The following C2orf80 variants were observed in gnomAD, a reference collection of about 807,000 sequenced individuals.
C2orf80 encodes the protein uncharacterized protein C2orf80.
Under a neutral mutation model 30.2 loss-of-function variants are expected in C2orf80, and 28 were observed. That is an observed-to-expected ratio of 0.93 (90% CI 0.69 to 1.27). The LOEUF (loss-of-function observed/expected upper bound fraction) is 1.27, where lower values mean the gene tolerates loss of function less well. Ranked by LOEUF, C2orf80 falls within the 50% of genes most tolerant of loss-of-function variation. The probability of loss-of-function intolerance (pLI) is 0.00; values close to 1 mark genes in which losing one functional copy is unlikely to be tolerated. For synonymous variants in C2orf80, 80 were observed against 76.4 expected, an observed-to-expected ratio of 1.05 and a Z score of -0.24; for missense variants, 220 against 231.0, an observed-to-expected ratio of 0.95 and a Z score of 0.31.
At chr2:208,180,953 C>T in intron 5 of C2orf80, 137 bp from the exon 6 acceptor site, 2 of 723,402 alleles carry the variant, frequency 2.8e-6, no homozygotes, top group Non-Finnish European at 4.6e-6. Context: ...TAAATAACTT[C>T]TGATCAATGG....
chr2:208,176,989 A>ACATC lies in C2orf80; in HGVS notation c.366+3755_366+3756insGATG, dbSNP rs1559340729. Among the ~76,000 whole-genome samples, 8 of 73,564 alleles carry ACATC rather than the reference A, an allele frequency of 1.1e-4. 1 individual carries two copies. The highest frequency in any genetic ancestry group is 2.0e-4 in the Non-Finnish European group (7 of 34,836). The allele number at this position is 73,564 out of a possible 152,430, so 48.3% of individuals were successfully genotyped here. On this transcript the variant is annotated intron_variant, in intron 6 of 8. Transcript: ENST00000341287. ...TGTATACATATATACAGAAATGTATATGTATACATATATACATATATACAG... is the reference window on the plus strand; with the variant it reads ...TGTATACATATATACAGAAATGTATACATCTGTATACATATATACATATATACAG...
At chr2:208,189,203 T>C (rs1696807075) in intron 1 of C2orf80, among the ~76,000 whole-genome samples, 1 of 152,236 alleles carries the variant, frequency 6.6e-6, no homozygotes, top group Admixed American at 6.5e-5. Context: ...ACAGTTAGCA[T>C]GTGCTTTAAT....
At chr2:208,166,810 C>T (rs1481716689) in intron 8 of C2orf80, among the ~76,000 whole-genome samples, 1 of 152,042 alleles carries the variant, frequency 6.6e-6, no homozygotes, top group Non-Finnish European at 1.5e-5. Flanking sequence ...CCACCACGCC[C>T]AACTAATTTT....
At chr2:208,169,709 T>C (rs1441100227) in intron 8 of C2orf80, among the ~76,000 whole-genome samples, 1 of 32,216 alleles carries the variant, frequency 3.1e-5, no homozygotes, top group African/African-American at 9.0e-5. Flanking sequence ...TGAGACTCTG[T>C]CTCAAAAAAA....
chr2:208,173,611 C>T (rs1004093894), intron 6 of C2orf80, among the ~76,000 whole-genome samples: 5 of 132,832 alleles, frequency 3.8e-5, no homozygotes, highest in East Asian at 2.3e-4. Context: ...GGCGAGAGAG[C>T]GAGACTCCAT....
intron 4 of C2orf80, among the ~76,000 whole-genome samples, chr2:208,182,748 G>T (rs988202476): frequency 1.3e-5 from 2 of 152,194 alleles, no homozygotes; most frequent in African/African-American, 4.8e-5. Context: ...TCTCACTGAA[G>T]TCAATTAGTA....
intron 7 of C2orf80, 149 bp from the exon 8 acceptor site, chr2:208,171,212 C>T (rs62194835): frequency 0.087 from 53,438 of 617,380 alleles, 2,836 homozygotes; most frequent in South Asian, 0.16. Flanking sequence ...GTGGTTCCAT[C>T]ACGGCTCATT....
chr2:208,178,299 A>G (rs1223442659), intron 6 of C2orf80, among the ~76,000 whole-genome samples: 1 of 152,156 alleles, frequency 6.6e-6, no homozygotes, highest in East Asian at 1.9e-4. Flanking sequence ...AGATGTGCTG[A>G]TGCCTTTCTA....
At position 208,180,616 on chromosome 2, in the gene C2orf80, G is replaced by A. The variant is rs1696525704; in HGVS notation, c.366+129C>T. 10 of 702,918 alleles carry A rather than the reference G, an allele frequency of 1.4e-5. No individual in the cohort carries two copies. In the East Asian group the frequency reaches 2.5e-4, roughly 18 times the overall value. The allele number at this position is 702,918 out of a possible 1,614,324, so 43.5% of individuals were successfully genotyped here. ...ATTCAAGTAAGAAATGGTTATGTCTGGTTTTGTACATTTTGATGTAAAACT... is the reference window on the plus strand; with the variant it reads ...ATTCAAGTAAGAAATGGTTATGTCTAGTTTTGTACATTTTGATGTAAAACT... On this transcript the variant is annotated intron_variant, in intron 6 of 8. Transcript: ENST00000341287.
chr2:208,171,141 CA>C (rs771941915), intron 7 of C2orf80, 78 bp from the exon 8 acceptor site: 20 of 943,512 alleles, frequency 2.1e-5, no homozygotes, highest in Non-Finnish European at 3.4e-5. Flanking sequence ...CATTTAATTT[CA>C]TTTCACTAAT....
Position 208,180,743 on chromosome 2 carries a change from A to T in C2orf80, c.366+2T>A. 1 of 1,612,652 alleles carries T rather than the reference A, an allele frequency of 6.2e-7. No homozygotes were observed. Among genetic ancestry groups the T allele is most frequent in the South Asian group, 1.1e-5 (1 of 90,982 alleles). On this transcript the variant is annotated splice_donor_variant, in intron 6 of 8. Coordinates refer to ENST00000341287, the MANE Select transcript of C2orf80 (RefSeq NM_001099334.3). LOFTEE classifies it high-confidence loss of function. ...CTATTGACAATCCCAGGTCACCCTTACCTTGATGGTACCAGAATCGGCAGA... is the reference window on the plus strand; with the variant it reads ...CTATTGACAATCCCAGGTCACCCTTTCCTTGATGGTACCAGAATCGGCAGA...
intron 8 of C2orf80, among the ~76,000 whole-genome samples, chr2:208,168,079 A>G (rs1009826015): frequency 5.3e-5 from 8 of 152,180 alleles, no homozygotes; most frequent in African/African-American, 1.9e-4. Context: ...AATCTTCTTC[A>G]AATACCAAGC....
At chr2:208,186,130 A>ACACATATATGTGCATG (rs1696711509) in intron 2 of C2orf80, among the ~76,000 whole-genome samples, 1 of 152,202 alleles carries the variant, frequency 6.6e-6, no homozygotes, top group South Asian at 2.1e-4. Flanking sequence ...ATATGTGCAT[A>ACACATATATGTGCATG]CACATATATG....
chr2:208,179,704 T>TTTC (rs35976988), intron 6 of C2orf80, among the ~76,000 whole-genome samples: 5,672 of 21,692 alleles, frequency 0.26, 343 homozygotes, highest in East Asian at 0.43. Context: ...CAGAACACCC[T>TTTC]TTTTTTTTTT....
intron 2 of C2orf80, among the ~76,000 whole-genome samples, chr2:208,186,026 G>T (rs1384119675): frequency 2.0e-5 from 3 of 152,098 alleles, no homozygotes; most frequent in Non-Finnish European, 2.9e-5. Context: ...AGAAAGGTAA[G>T]TTCCCTTCTT....
Position 208,172,121 on chromosome 2 carries a change from G to A in C2orf80, c.367-46C>T, listed in dbSNP as rs766730627. ...CTTTTAAAATCTGTCCATCATCTGC[G>A]GCATGAACACCTGCTAGTCACAGCA... On this transcript the variant is annotated intron_variant, in intron 6 of 8. Transcript: ENST00000341287. 10 of 1,414,564 alleles carry A rather than the reference G, an allele frequency of 7.1e-6. No homozygotes were observed. In the South Asian group the frequency reaches 8.0e-5, roughly 11 times the overall value. 87.6% of individuals were successfully genotyped at this position (1,414,564 alleles called of 1,614,324 possible). A position where few individuals can be genotyped will look rare whatever the true frequency, so the allele number is the denominator to read the frequency against.
At chr2:208,188,010 C>A (rs1190150374) in intron 1 of C2orf80, among the ~76,000 whole-genome samples, 1 of 151,514 alleles carries the variant, frequency 6.6e-6, no homozygotes, top group African/African-American at 2.4e-5. Context: ...TTGGACTGGC[C>A]AAGACTCCAC....
At chr2:208,189,286 C>T (rs1196691438) in intron 1 of C2orf80, among the ~76,000 whole-genome samples, 2 of 152,146 alleles carry the variant, frequency 1.3e-5, no homozygotes, top group African/African-American at 2.4e-5. Flanking sequence ...TGCATTGCTT[C>T]GTTGTTATGA....
At chr2:208,188,266 C>T (rs367926265) in intron 1 of C2orf80, among the ~76,000 whole-genome samples, 1 of 151,962 alleles carries the variant, frequency 6.6e-6, no homozygotes, top group Non-Finnish European at 1.5e-5. Flanking sequence ...TAAAATTGTA[C>T]GTATATTTAA....
Sources: allele counts gnomAD v4.1 joint callset (sites outside exome capture counted in the v4.1 genomes callset), GRCh38; gene constraint gnomAD v4.1.1; transcripts MANE v1.5; gene names NCBI Gene and HGNC (gene_info 2026-07-23, HGNC 2026-07-21).